SCLT1: variants seen among roughly 807,000 people sequenced by gnomAD.
The protein encoded by SCLT1 is sodium channel-associated protein 1.
In SCLT1, 78 loss-of-function variants were observed where a neutral mutation model predicts 112.8. The ratio of observed to expected loss-of-function variants is 0.69; its 90% confidence interval spans 0.58 to 0.83. SCLT1 has a LOEUF of 0.83. SCLT1 is among the 40% of genes least tolerant of loss of function. The probability of loss-of-function intolerance (pLI) is 0.00; values close to 1 mark genes in which losing one functional copy is unlikely to be tolerated. For missense variants in SCLT1, 747 were observed against 770.4 expected, an observed-to-expected ratio of 0.97 and a Z score of 0.36; for synonymous variants, 257 against 254.7, an observed-to-expected ratio of 1.01 and a Z score of -0.09.
At chr4:129,002,681 A>G (rs922150505) in intron 6 of SCLT1, among the ~76,000 whole-genome samples, 22 of 152,340 alleles carry the variant, frequency 1.4e-4, no homozygotes, top group Admixed American at 9.2e-4. Flanking sequence ...ACATATGAAA[A>G]AAAGCTCATT....
intron 2 of SCLT1, among the ~76,000 whole-genome samples, chr4:129,061,190 G>A (rs1749932766): frequency 6.6e-6 from 1 of 152,142 alleles, no homozygotes; most frequent in Admixed American, 6.5e-5. Flanking sequence ...GGATGGTAAG[G>A]CTTATCTGTA....
chr4:128,991,927 T>C (rs1742609190), intron 9 of SCLT1, among the ~76,000 whole-genome samples: 2 of 151,974 alleles, frequency 1.3e-5, no homozygotes, highest in African/African-American at 4.8e-5. Context: ...ACTTTGTCAT[T>C]TTATATAAAG....
Position 129,003,613 on chromosome 4 carries a change from C to G in SCLT1, c.426+128G>C, listed in dbSNP as rs146051233. 46 of 792,486 alleles carry G rather than the reference C, an allele frequency of 5.8e-5. No homozygotes were observed. In the African/African-American group the frequency reaches 7.4e-4, roughly 13 times the overall value. 49.1% of individuals were successfully genotyped at this position (792,486 alleles called of 1,614,324 possible). On this transcript the variant is annotated intron_variant, in intron 6 of 20. Coordinates refer to ENST00000281142, the MANE Select transcript of SCLT1 (RefSeq NM_144643.4). ...ACAAGTGTTGCTACCTGTAACGATT[C>G]TTATAAACTGTAAAAAATCATAATG...
Position 128,957,020 on chromosome 4 carries a change from C to A in SCLT1, c.1146+6G>T. 6.9e-7 allele frequency: 1 copy of A among 1,457,622 alleles called. No homozygotes were observed. The highest frequency in any genetic ancestry group is 9.4e-7 in the Non-Finnish European group (1 of 1,066,252). 90.3% of individuals were successfully genotyped at this position (1,457,622 alleles called of 1,614,324 possible). A position where few individuals can be genotyped will look rare whatever the true frequency, so the allele number is the denominator to read the frequency against. On this transcript the variant is annotated splice_donor_region_variant and intron_variant, in intron 13 of 20. Transcript: ENST00000281142. ...CTGAATTTTAAATATAATTAAAAAT[C>A]CTTACTTCTTTCTTGGTTCTTATGG...
At chr4:128,897,081 C>G (rs1025294408) in intron 18 of SCLT1, among the ~76,000 whole-genome samples, 1 of 152,138 alleles carries the variant, frequency 6.6e-6, no homozygotes, top group African/African-American at 2.4e-5. Context: ...AGAATGGAAC[C>G]AAGTTGGAAA....
intron 2 of SCLT1, among the ~76,000 whole-genome samples, chr4:129,054,612 G>C (rs985275143): frequency 6.6e-6 from 1 of 151,940 alleles, no homozygotes; most frequent in Non-Finnish European, 1.5e-5. Flanking sequence ...GGTCATTTAC[G>C]TTCTTCTCTA....
intron 18 of SCLT1, among the ~76,000 whole-genome samples, chr4:128,921,967 C>A (rs1260941189): frequency 6.6e-6 from 1 of 151,964 alleles, no homozygotes; most frequent in Non-Finnish European, 1.5e-5. Context: ...ACAAACAACC[C>A]CATTATAAAG....
chr4:128,900,601 G>C (rs1331483889), intron 18 of SCLT1, among the ~76,000 whole-genome samples: 47 of 152,254 alleles, frequency 3.1e-4, no homozygotes, highest in South Asian at 8.3e-4. Flanking sequence ...CAATACCATT[G>C]AGGACATAGG....
intron 9 of SCLT1, among the ~76,000 whole-genome samples, chr4:128,977,666 T>C (rs1047854595): frequency 2.0e-5 from 3 of 151,986 alleles, no homozygotes; most frequent in Non-Finnish European, 2.9e-5. Flanking sequence ...CAGGTGAAGA[T>C]AATTAAGAAT....
At chr4:128,930,651 C>CTTTATA (rs2125974656) in intron 18 of SCLT1, among the ~76,000 whole-genome samples, 1 of 152,102 alleles carries the variant, frequency 6.6e-6, no homozygotes, top group African/African-American at 2.4e-5. Flanking sequence ...TCAAAGATGG[C>CTTTATA]TATAAGGTTT....
At chr4:129,054,067 G>C (rs574908387) in intron 2 of SCLT1, among the ~76,000 whole-genome samples, 1 of 151,876 alleles carries the variant, frequency 6.6e-6, no homozygotes. Context: ...GAGATTGTTG[G>C]ATATTGGCCC....
chr4:129,085,553 C>T (rs1752319534), intron 1 of SCLT1, among the ~76,000 whole-genome samples: 1 of 152,122 alleles, frequency 6.6e-6, no homozygotes, highest in Non-Finnish European at 1.5e-5. Context: ...ACCACAAAGA[C>T]ACATGAGCAT....
intron 1 of SCLT1, among the ~76,000 whole-genome samples, chr4:129,083,343 A>C (rs1412230221): frequency 1.3e-5 from 2 of 151,950 alleles, no homozygotes; most frequent in Middle Eastern, 3.2e-3. Context: ...CAGAACATTT[A>C]ATGTTGATTA....
At chr4:129,016,774 C>G (rs1745029775) in intron 5 of SCLT1, among the ~76,000 whole-genome samples, 1 of 152,116 alleles carries the variant, frequency 6.6e-6, no homozygotes, top group African/African-American at 2.4e-5. Context: ...GCTTATATCC[C>G]TGGATTTCTT....
At chr4:128,941,638 CTT>C (rs1737701988) in intron 17 of SCLT1, among the ~76,000 whole-genome samples, 1 of 151,866 alleles carries the variant, frequency 6.6e-6, no homozygotes, top group Non-Finnish European at 1.5e-5. Context: ...TTAATGGTGT[CTT>C]TTGGTGACTA....
chr4:129,071,652 T>C (rs1352936210), intron 2 of SCLT1, among the ~76,000 whole-genome samples: 1 of 152,176 alleles, frequency 6.6e-6, no homozygotes, highest in African/African-American at 2.4e-5. Flanking sequence ...TGCATGAAAT[T>C]ATTTTTCCAC....
intron 6 of SCLT1, among the ~76,000 whole-genome samples, chr4:129,000,135 G>T (rs528013432): frequency 1.3e-5 from 2 of 151,730 alleles, no homozygotes; most frequent in African/African-American, 4.8e-5. Context: ...CTGCCTCCTG[G>T]TAAAGTACAA....
intron 18 of SCLT1, among the ~76,000 whole-genome samples, chr4:128,932,703 T>C (rs1000149994): frequency 1.3e-5 from 2 of 152,106 alleles, no homozygotes; most frequent in Non-Finnish European, 1.5e-5. Flanking sequence ...ATCTAATATA[T>C]ATAAAACCCT....
At chr4:128,880,979 G>C (rs986940067), downstream of SCLT1, among the ~76,000 whole-genome samples, 6 of 152,160 alleles carry the variant, frequency 3.9e-5, no homozygotes, top group African/African-American at 1.4e-4. Flanking sequence ...TGAGTGTTTT[G>C]TGGTGAATTC....
Sources: allele counts gnomAD v4.1 joint callset (sites outside exome capture counted in the v4.1 genomes callset), GRCh38; gene constraint gnomAD v4.1.1; transcripts MANE v1.5; gene names NCBI Gene and HGNC (gene_info 2026-07-23, HGNC 2026-07-21).